Variants in RSPH14 observed in about 807,000 individuals in gnomAD.
RSPH14 encodes radial spoke head 14 homolog, also known as rhabdoid tumor deletion region gene 1.
Under a neutral mutation model 26.7 loss-of-function variants are expected in RSPH14, and 20 were observed. The ratio of observed to expected loss-of-function variants is 0.75; its 90% CI spans 0.53 to 1.09. RSPH14 has a LOEUF of 1.09. Ranked by LOEUF, RSPH14 falls within the 50% of genes least tolerant of loss-of-function variation. RSPH14 has a pLI of 0.00. For synonymous variants in RSPH14, 177 were observed against 189.3 expected (o/e 0.93, Z 0.53); for missense variants, 449 against 457.2 (o/e 0.98, Z 0.16).
intron 4 of RSPH14, among the ~76,000 whole-genome samples, chr22:23,111,319 T>C (rs948785911): frequency 1.3e-5 from 2 of 151,830 alleles, no homozygotes; most frequent in South Asian, 2.1e-4. Context: ...GAGCAGGGGG[T>C]GCGGCCACAA....
chr22:23,120,161 A>G (rs2069973569), intron 4 of RSPH14, among the ~76,000 whole-genome samples: 1 of 152,184 alleles, frequency 6.6e-6, no homozygotes, highest in South Asian at 2.1e-4. Flanking sequence ...CATGACCTCT[A>G]AGTCAGGAAC....
At chr22:23,147,243 C>T (rs1332523759), upstream of RSPH14, among the ~76,000 whole-genome samples, 1 of 152,144 alleles carries the variant, frequency 6.6e-6, no homozygotes, top group Non-Finnish European at 1.5e-5. Flanking sequence ...GCAGGGAATA[C>T]AAATTGAGTA....
At chr22:23,156,119 A>G in the RSPH14 span, 1 of 984,086 alleles carries the variant, frequency 1.0e-6, no homozygotes, top group Non-Finnish European at 1.5e-6. Flanking sequence ...AGTTCTCTGC[A>G]CAGGCACCAG....
the RSPH14 span, among the ~76,000 whole-genome samples, chr22:23,169,238 G>A: frequency 1.1e-4 from 17 of 152,200 alleles, no homozygotes; most frequent in African/African-American, 2.4e-4. Flanking sequence ...TCTTTGCTCC[G>A]CACTCTGGCT....
chr22:23,157,093 G>T, the RSPH14 span, among the ~76,000 whole-genome samples: 1 of 152,166 alleles, frequency 6.6e-6, no homozygotes, highest in African/African-American at 2.4e-5. Flanking sequence ...CAACAGGACC[G>T]GGGTGCGGCC....
chr22:23,062,413 G>T (rs2068116254), intron 5 of RSPH14, among the ~76,000 whole-genome samples: 1 of 152,184 alleles, frequency 6.6e-6, no homozygotes, highest in African/African-American at 2.4e-5. Context: ...GGCACTGAAT[G>T]AAGTTGTGGA....
At chr22:23,076,228 C>A (rs1044151940) in intron 4 of RSPH14, among the ~76,000 whole-genome samples, 3 of 152,198 alleles carry the variant, frequency 2.0e-5, no homozygotes, top group Non-Finnish European at 4.4e-5. Context: ...CCTTAGCACT[C>A]GCCACAGCGT....
chr22:23,091,601 T>C (rs555616724), intron 4 of RSPH14, among the ~76,000 whole-genome samples: 1 of 150,204 alleles, frequency 6.7e-6, no homozygotes, highest in African/African-American at 2.5e-5. Context: ...CACAGGCACC[T>C]ATGCATACAC....
chr22:23,133,942 CA>C (rs749291310), intron 4 of RSPH14, 83 bp downstream of exon 4: 1 of 899,350 alleles, frequency 1.1e-6, no homozygotes. Flanking sequence ...GGACGATCTA[CA>C]CCCTGGTACA....
intron 4 of RSPH14, among the ~76,000 whole-genome samples, chr22:23,069,620 G>C (rs567862448): frequency 5.6e-4 from 86 of 152,222 alleles, no homozygotes; most frequent in African/African-American, 2.0e-3. Context: ...CCAGCTCCTC[G>C]GTCCTTCTCC....
chr22:23,100,762 C>A (rs1056297477), intron 4 of RSPH14, among the ~76,000 whole-genome samples: 1 of 152,214 alleles, frequency 6.6e-6, no homozygotes, highest in African/African-American at 2.4e-5. Flanking sequence ...AGAGCTGGAG[C>A]TCCAGAGCCC....
chr22:23,115,542 C>T (rs1047343027), intron 4 of RSPH14, among the ~76,000 whole-genome samples: 1 of 152,036 alleles, frequency 6.6e-6, no homozygotes, highest in East Asian at 1.9e-4. Flanking sequence ...CAGAGGGGAG[C>T]GAGGAGGAGG....
At chr22:23,094,745 C>G (rs1222005607) in intron 4 of RSPH14, among the ~76,000 whole-genome samples, 10 of 152,230 alleles carry the variant, frequency 6.6e-5, no homozygotes, top group African/African-American at 2.4e-4. Context: ...CCAGGTCTCC[C>G]TCCTGGTGCT....
chr22:23,119,532 T>G (rs2069949174), intron 4 of RSPH14, among the ~76,000 whole-genome samples: 1 of 152,152 alleles, frequency 6.6e-6, no homozygotes, highest in Non-Finnish European at 1.5e-5. Context: ...AGCACCACAC[T>G]GCCAGCACCA....
chr22:23,099,552 G>T (rs2069233440), intron 4 of RSPH14, among the ~76,000 whole-genome samples: 1 of 152,230 alleles, frequency 6.6e-6, no homozygotes, highest in Non-Finnish European at 1.5e-5. Flanking sequence ...TGTTATTTTT[G>T]TCACAGATCG....
chr22:23,139,035 G>A (rs1601866953), intron 2 of RSPH14, 93 bp from the exon 3 acceptor site: 1 of 948,324 alleles, frequency 1.1e-6, no homozygotes, highest in Non-Finnish European at 1.6e-6. Context: ...TGGGCCAGTT[G>A]GGGCAGGAAT....
intron 4 of RSPH14, among the ~76,000 whole-genome samples, chr22:23,065,597 C>G (rs1012624335): frequency 1.5e-5 from 2 of 132,920 alleles, no homozygotes; most frequent in Non-Finnish European, 3.1e-5. Context: ...CCTTTCCAAT[C>G]TGTGTGACCT....
chr22:23,160,852 G>T, the RSPH14 span: 1 of 1,608,150 alleles, frequency 6.2e-7, no homozygotes, highest in Admixed American at 1.7e-5. Flanking sequence ...ACACTGATGA[G>T]GTCCCGGCTG....
intron 4 of RSPH14, among the ~76,000 whole-genome samples, chr22:23,099,095 C>T (rs1327329201): frequency 6.6e-6 from 1 of 152,236 alleles, no homozygotes; most frequent in Non-Finnish European, 1.5e-5. Context: ...CCTCATCTTC[C>T]CTGATGCTGG....
Sources: gnomAD v4.1 joint callset for allele counts (sites outside exome capture counted in the v4.1 genomes callset) on GRCh38, gnomAD v4.1.1 for gene constraint, MANE v1.5 for transcripts, NCBI Gene and HGNC (gene_info 2026-07-23, HGNC 2026-07-21) for gene names.